Variants in KIAA0319 observed in about 807,000 individuals in gnomAD.
The protein encoded by KIAA0319 is dyslexia-associated protein KIAA0319.
In KIAA0319, 83 loss-of-function variants were observed where a neutral mutation model predicts 108.4. The observed-to-expected ratio is 0.77, with a 90% CI of 0.64 to 0.92. The LOEUF is 0.92. KIAA0319 is among the 40% of genes least tolerant of loss of function. The pLI, the probability that KIAA0319 is intolerant of heterozygous loss-of-function variation, is 0.00. For synonymous variants in KIAA0319, 484 were observed against 510.4 expected, an observed-to-expected ratio of 0.95 and a Z score of 0.70; for missense variants, 1,195 against 1,322.4, an observed-to-expected ratio of 0.90 and a Z score of 1.49.
downstream of KIAA0319, among the ~76,000 whole-genome samples, chr6:24,541,233 T>C (rs990390954): frequency 2.0e-5 from 3 of 152,238 alleles, no homozygotes; most frequent in Non-Finnish European, 4.4e-5. Context: ...TGGTTTCTCC[T>C]GACGCCTCTC....
chr6:24,603,274 G>A (rs1285440608), intron 1 of KIAA0319, among the ~76,000 whole-genome samples: 1 of 152,100 alleles, frequency 6.6e-6, no homozygotes, highest in Non-Finnish European at 1.5e-5. Context: ...ATAGAATTGA[G>A]GTTCAAAAAA....
chr6:24,618,035 C>A (rs1156646332), intron 1 of KIAA0319, among the ~76,000 whole-genome samples: 1 of 151,708 alleles, frequency 6.6e-6, no homozygotes, highest in Non-Finnish European at 1.5e-5. Flanking sequence ...AGAAATAGAA[C>A]CTCGTTCATG....
Position 24,566,735 on chromosome 6 carries a change from A to T in KIAA0319, c.2154T>A (p.Pro718=), listed in dbSNP as rs1196887778. The change falls in exon 14 of 21, where the codon CCT becomes CCA. Residue 718 remains proline (P), a synonymous_variant. Coordinates refer to ENST00000378214, the MANE Select transcript of KIAA0319 (RefSeq NM_014809.4). ...GTCTGCCACCAGCCCGGGCTCTGGG[A>T]GGACTATTATTTTCTAAGTCAAATA... ...TVAVKKENNS[P]PRARAGGRHV... is the part of the protein sequence containing the mutation. 1.2e-6 allele frequency: 2 copies of T among 1,608,268 alleles called. No individual in the cohort carries two copies. The highest frequency in any genetic ancestry group is 1.3e-5 in the African/African-American group (1 of 74,644).
At position 24,545,275 on chromosome 6, in the gene KIAA0319, A is replaced by C. The variant is rs1026702631; in HGVS notation, c.*1890T>G. 6.6e-5 allele frequency: 10 copies of C among 152,220 alleles called. No homozygotes were observed. Among genetic ancestry groups the C allele is most frequent in the Admixed American group, 6.5e-4 (10 of 15,278 alleles). 9.4% of individuals were successfully genotyped at this position (152,220 alleles called of 1,614,324 possible). ...AGTTATTTAACCTCTCTGGGCCTTCAGAGGGCTATCTGCAACATAAGAATG... is the reference window on the plus strand; with the variant it reads ...AGTTATTTAACCTCTCTGGGCCTTCCGAGGGCTATCTGCAACATAAGAATG... On this transcript the variant is annotated 3_prime_UTR_variant, in exon 21 of 21. Coordinates refer to ENST00000378214, the MANE Select transcript of KIAA0319 (RefSeq NM_014809.4).
chr6:24,614,832 C>T (rs1309372852), intron 1 of KIAA0319, among the ~76,000 whole-genome samples: 1 of 151,966 alleles, frequency 6.6e-6, no homozygotes, highest in African/African-American at 2.4e-5. Context: ...CAGCCAGCCC[C>T]TCGCTGTCAT....
intron 3 of KIAA0319, among the ~76,000 whole-genome samples, chr6:24,595,560 A>AC (rs1554164812): frequency 2.5e-4 from 38 of 149,716 alleles, no homozygotes; most frequent in Non-Finnish European, 4.5e-4. Flanking sequence ...AAAAAAAAAA[A>AC]AAAAAAAAAA....
At chr6:24,586,218 C>G (rs766735910) in intron 4 of KIAA0319, among the ~76,000 whole-genome samples, 7 of 152,200 alleles carry the variant, frequency 4.6e-5, no homozygotes, top group Non-Finnish European at 1.0e-4. Context: ...TGAGACCTGT[C>G]TCAGATACTT....
intron 10 of KIAA0319, among the ~76,000 whole-genome samples, chr6:24,573,770 T>A (rs1765066144): frequency 6.7e-6 from 1 of 148,952 alleles, no homozygotes; most frequent in Non-Finnish European, 1.5e-5. Flanking sequence ...AGCTTTTTTA[T>A]TATTATTTTT....
At chr6:24,586,536 T>C (rs1419111882) in intron 4 of KIAA0319, among the ~76,000 whole-genome samples, 3 of 152,202 alleles carry the variant, frequency 2.0e-5, no homozygotes, top group Non-Finnish European at 4.4e-5. Flanking sequence ...TCACTCTTGC[T>C]TACTTCGTTT....
intron 7 of KIAA0319, 63 bp from the exon 8 acceptor site, chr6:24,580,013 T>A: frequency 1.6e-6 from 2 of 1,232,844 alleles, no homozygotes. Flanking sequence ...ATTACCCACA[T>A]AAAATCATCT....
intron 19 of KIAA0319, 35 bp downstream of exon 19, chr6:24,554,506 G>T (rs201843139): frequency 7.0e-7 from 1 of 1,425,054 alleles, no homozygotes; most frequent in Non-Finnish European, 9.9e-7. Flanking sequence ...CTTAGTGTAG[G>T]GTCTCTATTT....
intron 2 of KIAA0319, among the ~76,000 whole-genome samples, chr6:24,600,032 C>CAAAAA (rs35713930): frequency 6.8e-6 from 1 of 147,886 alleles, no homozygotes; most frequent in African/African-American, 2.5e-5. Context: ...GCCAACTGCC[C>CAAAAA]AAAAAAAAAA....
intron 14 of KIAA0319, among the ~76,000 whole-genome samples, chr6:24,565,752 C>CAAAAAAAAAAAAAAAAA (rs71542686): frequency 3.2e-5 from 2 of 62,718 alleles, no homozygotes; most frequent in African/African-American, 1.2e-4. Flanking sequence ...GACTCCATCT[C>CAAAAAAAAAAAAAAAAA]AAAAAAAAAA....
At chr6:24,549,924 G>A (rs1561904171) in intron 20 of KIAA0319, among the ~76,000 whole-genome samples, 1 of 152,280 alleles carries the variant, frequency 6.6e-6, no homozygotes, top group East Asian at 1.9e-4. Flanking sequence ...CTGGGGCAGT[G>A]AGAATGGGGG....
At chr6:24,541,178 G>C (rs899587468), downstream of KIAA0319, among the ~76,000 whole-genome samples, 1 of 151,988 alleles carries the variant, frequency 6.6e-6, no homozygotes, top group Non-Finnish European at 1.5e-5. Flanking sequence ...TAAGTGAATC[G>C]CTCAATGAAT....
chr6:24,593,386 CTTTTTT>C (rs58826962), intron 3 of KIAA0319, among the ~76,000 whole-genome samples: 1 of 79,360 alleles, frequency 1.3e-5, no homozygotes, highest in Non-Finnish European at 2.4e-5. Flanking sequence ...GAATAATTAT[CTTTTTT>C]TTTTTTTTTT....
intron 5 of KIAA0319, chr6:24,583,083 G>A (rs564756963): frequency 2.0e-6 from 2 of 985,324 alleles, no homozygotes; most frequent in African/African-American, 1.7e-5. Context: ...GCATTTGACA[G>A]GCCACAGGTC....
intron 1 of KIAA0319, among the ~76,000 whole-genome samples, chr6:24,609,322 G>A (rs561392503): frequency 6.7e-6 from 1 of 150,106 alleles, no homozygotes; most frequent in African/African-American, 2.4e-5. Context: ...GGGCGCAGTG[G>A]AATCCCAGCA....
At chr6:24,621,952 T>C (rs770144028) in intron 1 of KIAA0319, among the ~76,000 whole-genome samples, 17 of 152,038 alleles carry the variant, frequency 1.1e-4, no homozygotes, top group Non-Finnish European at 1.0e-4. Flanking sequence ...AGAGAACTGC[T>C]CTCTCAAGAG....
Sources: gnomAD v4.1 joint callset for allele counts (sites outside exome capture counted in the v4.1 genomes callset) on GRCh38, gnomAD v4.1.1 for gene constraint, MANE v1.5 for transcripts, NCBI Gene and HGNC (gene_info 2026-07-23, HGNC 2026-07-21) for gene names.